Variants in SYN3 observed in about 807,000 individuals in gnomAD.
The protein encoded by SYN3 is synapsin-3.
SYN3 carries 35 observed loss-of-function variants against 65.8 expected under a neutral mutation model. That is an observed-to-expected ratio of 0.53 (90% CI 0.41 to 0.70). The LOEUF is 0.70. SYN3 is among the 30% of genes least tolerant of loss of function. SYN3 has a pLI of 0.00. For missense variants in SYN3, 680 were observed against 749.0 expected (o/e 0.91, Z 1.08); for synonymous variants, 270 against 292.9 (o/e 0.92, Z 0.80).
intron 3 of SYN3, 56 bp downstream of exon 3, chr22:32,980,589 A>G: frequency 6.6e-7 from 1 of 1,524,770 alleles, no homozygotes; most frequent in Non-Finnish European, 9.1e-7. Flanking sequence ...ATGTAAGAAC[A>G]GCCCCAGCGG....
intron 12 of SYN3, among the ~76,000 whole-genome samples, chr22:32,524,309 C>T (rs2146111771): frequency 6.6e-6 from 1 of 152,274 alleles, no homozygotes. Context: ...GAAGTCAATG[C>T]CTGGCTTCAA....
At chr22:32,875,660 CA>C (rs1367484824) in intron 4 of SYN3, among the ~76,000 whole-genome samples, 1 of 152,258 alleles carries the variant, frequency 6.6e-6, no homozygotes, top group East Asian at 1.9e-4. Flanking sequence ...CAGACACACA[CA>C]GGGGAAGAGA....
chr22:32,531,465 G>A lies in SYN3; in HGVS notation c.1095+2328C>T, dbSNP rs80289109. Among the ~76,000 whole-genome samples, 630 of 152,284 alleles carry A rather than the reference G, an allele frequency of 4.1e-3. 2 individuals are homozygous for A. Among genetic ancestry groups the A allele is most frequent in the Non-Finnish European group, 6.5e-3 (439 of 68,026 alleles). ...CTGAGGTTCATTTTGGAATCCCCAC[G>A]GTAGAGACAGCCAAAGGAAGTGGCC... On this transcript the variant is annotated intron_variant, in intron 10 of 13. Transcript: ENST00000358763.
chr22:33,024,019 AG>A (rs1191300607), intron 1 of SYN3, among the ~76,000 whole-genome samples: 2 of 152,190 alleles, frequency 1.3e-5, no homozygotes, highest in Non-Finnish European at 2.9e-5. Context: ...GTGGACACTC[AG>A]GATACCATAC....
At chr22:32,915,190 G>A (rs542101461) in intron 4 of SYN3, among the ~76,000 whole-genome samples, 1 of 152,284 alleles carries the variant, frequency 6.6e-6, no homozygotes, top group Non-Finnish European at 1.5e-5. Flanking sequence ...GTTGATGGGT[G>A]CAGCAAACCA....
chr22:32,591,520 T>C (rs1296461132), intron 7 of SYN3, among the ~76,000 whole-genome samples: 1 of 152,244 alleles, frequency 6.6e-6, no homozygotes, highest in Non-Finnish European at 1.5e-5. Context: ...CTTACTTTAA[T>C]GCAGAGTTTT....
intron 4 of SYN3, among the ~76,000 whole-genome samples, chr22:32,922,664 C>T (rs1346483759): frequency 6.6e-6 from 1 of 152,050 alleles, no homozygotes; most frequent in African/African-American, 2.4e-5. Context: ...GAGATGGCCA[C>T]CAGCAGCTCC....
At chr22:32,878,399 G>GT (rs2049036136) in intron 4 of SYN3, among the ~76,000 whole-genome samples, 1 of 152,108 alleles carries the variant, frequency 6.6e-6, no homozygotes, top group African/African-American at 2.4e-5. Flanking sequence ...TTCCACTCTG[G>GT]TTTTCTCCTC....
At chr22:32,866,890 A>G (rs2048701253) in intron 5 of SYN3, among the ~76,000 whole-genome samples, 1 of 152,244 alleles carries the variant, frequency 6.6e-6, no homozygotes, top group South Asian at 2.1e-4. Context: ...TGTTCCAGGT[A>G]TCTAAGGCAG....
chr22:32,674,990 T>G (rs2060420178), intron 6 of SYN3, among the ~76,000 whole-genome samples: 2 of 152,220 alleles, frequency 1.3e-5, no homozygotes, highest in Non-Finnish European at 1.5e-5. Context: ...GATGTACCCC[T>G]TGTCACACAC....
intron 3 of SYN3, among the ~76,000 whole-genome samples, chr22:32,960,155 A>G (rs184134568): frequency 5.3e-5 from 8 of 152,262 alleles, no homozygotes; most frequent in Admixed American, 5.2e-4. Flanking sequence ...CCTGGAGGGA[A>G]TGCCCTTCCT....
At chr22:32,985,665 T>C (rs1260642421) in intron 2 of SYN3, among the ~76,000 whole-genome samples, 1 of 152,084 alleles carries the variant, frequency 6.6e-6, no homozygotes, top group Non-Finnish European at 1.5e-5. Flanking sequence ...ACTTTTTGGA[T>C]CCAGTCCAGA....
intron 6 of SYN3, among the ~76,000 whole-genome samples, chr22:32,692,155 C>CAAAAAAAAAAAAAA: frequency 2.9e-5 from 1 of 34,492 alleles, no homozygotes; most frequent in Non-Finnish European, 4.3e-5. Flanking sequence ...GACAAAAAGA[C>CAAAAAAAAAAAAAA]AAAAAAAAAA....
At chr22:32,985,885 T>C in intron 2 of SYN3, among the ~76,000 whole-genome samples, 1 of 152,100 alleles carries the variant, frequency 6.6e-6, no homozygotes, top group Non-Finnish European at 1.5e-5. Context: ...ATGAGTGATA[T>C]CTACTCTGCT....
chr22:32,564,985 CACCCAAACAGTGCTCCCGGACT>C (rs2058648271), intron 7 of SYN3, among the ~76,000 whole-genome samples: 1 of 130,222 alleles, frequency 7.7e-6, no homozygotes, highest in Non-Finnish European at 1.6e-5. Context: ...TCCTGGACTG[CACCCAAACAGTGCTCCCGGACT>C]GCACCCAAAC....
In SYN3 at chr22:32,512,249, A is replaced by C. The variant is rs550997021; in HGVS notation, c.*1443T>G. On this transcript the variant is annotated 3_prime_UTR_variant, in exon 14 of 14. Coordinates refer to ENST00000358763, the MANE Select transcript of SYN3 (RefSeq NM_003490.4). ...CTAGAAGCTGCTCCAGGCCAAAGCC[A>C]CTTCCATTTTTACCTCCCTCTCTCC... Among the ~76,000 whole-genome samples, 1 of 152,334 alleles carries C rather than the reference A, an allele frequency of 6.6e-6. No individual in the cohort carries two copies. The highest frequency in any genetic ancestry group is 2.1e-4 in the South Asian group (1 of 4,824).
At chr22:32,831,647 T>C (rs2047577561) in intron 6 of SYN3, among the ~76,000 whole-genome samples, 1 of 152,288 alleles carries the variant, frequency 6.6e-6, no homozygotes, top group Admixed American at 6.5e-5. Context: ...CTTCTGTATG[T>C]AGATTTCAGA....
chr22:32,832,894 AT>A lies in SYN3; in HGVS notation c.711+32020del, dbSNP rs893225242. Among the ~76,000 whole-genome samples the A allele has an allele frequency of 4.7e-4, 70 of 150,508 alleles. 1 individual carries two copies. Among genetic ancestry groups the A allele is most frequent in the African/African-American group, 1.5e-3 (62 of 40,932 alleles). ...AGGTACGTACTACCATTCCCAGCTA[AT>A]TTTTTTTTCGTGGTTTTCGTAGAGA... On this transcript the variant is annotated intron_variant, in intron 6 of 13. Transcript: ENST00000358763.
At chr22:32,975,947 G>A (rs1474365631) in intron 3 of SYN3, among the ~76,000 whole-genome samples, 1 of 152,184 alleles carries the variant, frequency 6.6e-6, no homozygotes. Context: ...ATATCACCTG[G>A]TCTTTATGGT....
Sources: allele counts gnomAD v4.1 joint callset (sites outside exome capture counted in the v4.1 genomes callset), GRCh38; gene constraint gnomAD v4.1.1; transcripts MANE v1.5; gene names NCBI Gene and HGNC (gene_info 2026-07-23, HGNC 2026-07-21).